The following CCDC39 variants were observed in gnomAD, a reference collection of about 807,000 sequenced individuals.
The protein encoded by CCDC39 is coiled-coil domain-containing protein 39.
CCDC39 carries 113 observed loss-of-function variants against 121.0 expected under a neutral mutation model. The ratio of observed to expected loss-of-function variants is 0.93; its 90% CI spans 0.80 to 1.09. The LOEUF (loss-of-function observed/expected upper bound fraction) is 1.09, where lower values mean the gene tolerates loss of function less well. Ranked by LOEUF, CCDC39 falls within the 50% of genes least tolerant of loss-of-function variation. The pLI is 0.00. For missense variants in CCDC39, 1,063 were observed against 1,074.7 expected, an observed-to-expected ratio of 0.99 and a Z score of 0.15; for synonymous variants, 349 against 352.2, an observed-to-expected ratio of 0.99 and a Z score of 0.10.
At position 180,620,977 on chromosome 3, in the gene CCDC39, C is replaced by T. The variant is rs141237841; in HGVS notation, c.1999-1007G>A. Among the ~76,000 whole-genome samples the T allele has an allele frequency of 5.9e-3, 900 of 152,132 alleles. 8 individuals carry two copies. Among genetic ancestry groups the T allele is most frequent in the Middle Eastern group, 0.01 (3 of 294 alleles). On this transcript the variant is annotated intron_variant, in intron 14 of 19. Coordinates refer to ENST00000476379, the MANE Select transcript of CCDC39 (RefSeq NM_181426.2). ...ACTCCACGCTCTACCTCCATGTGTA[C>T]GCGTTATTTAGCTCCCACATATAAG...
Position 180,644,261 on chromosome 3 carries a change from C to CA in CCDC39, c.1528-5dup. On this transcript the variant is annotated splice_polypyrimidine_tract_variant and splice_region_variant and intron_variant, in intron 11 of 19. Coordinates refer to ENST00000476379, the MANE Select transcript of CCDC39 (RefSeq NM_181426.2). ...TCTTGATAAAATAAAGATCATTCTG[C>CA]AAAAAAGAAAAAAGGTATATAAATG... 3.4e-6 allele frequency: 5 copies of CA among 1,480,602 alleles called. No individual in the cohort carries two copies. Among genetic ancestry groups the CA allele is most frequent in the South Asian group, 2.7e-5 (2 of 74,022 alleles). The allele number at this position is 1,480,602 out of a possible 1,614,324, so 91.7% of individuals were successfully genotyped here.
chr3:180,619,445 C>G (rs1717362350), intron 15 of CCDC39, 80 bp from the exon 16 acceptor site: 1 of 744,668 alleles, frequency 1.3e-6, no homozygotes. Flanking sequence ...TAAATTGCAC[C>G]AATATTTTTG....
chr3:180,614,731 A>G lies in CCDC39; in HGVS notation c.*190T>C. On this transcript the variant is annotated 3_prime_UTR_variant, in exon 20 of 20. Transcript: ENST00000476379. ...CATGTAGCCTTGTCAAGAATCTGCT[A>G]TTAATTTCTTCAGTATGAAGAAAAC... 1.9e-6 allele frequency: 1 copy of G among 513,356 alleles called. No homozygotes were observed. Among genetic ancestry groups the G allele is most frequent in the South Asian group, 2.9e-5 (1 of 34,028 alleles). 31.8% of individuals were successfully genotyped at this position (513,356 alleles called of 1,614,324 possible).
intron 14 of CCDC39, among the ~76,000 whole-genome samples, chr3:180,629,211 T>G: frequency 6.6e-6 from 1 of 152,236 alleles, no homozygotes; most frequent in East Asian, 1.9e-4. Context: ...ACAGATTTTA[T>G]ATTATAGACA....
At chr3:180,643,967 G>A (rs1718015617) in intron 12 of CCDC39, among the ~76,000 whole-genome samples, 153 bp downstream of exon 12, 1 of 152,074 alleles carries the variant, frequency 6.6e-6, no homozygotes, top group South Asian at 2.1e-4. Context: ...TTACAAGACT[G>A]GAGGGAAATT....
Position 180,654,758 on chromosome 3 carries a change from A to G in CCDC39, c.930+4T>C. On this transcript the variant is annotated splice_donor_region_variant and intron_variant, in intron 7 of 19. Transcript: ENST00000476379. ...ACAAGCCAGTCTTTTTTGAGTTGACATACCTCACCCTTCAGCTGAATTCTA... is the reference window on the plus strand; with the variant it reads ...ACAAGCCAGTCTTTTTTGAGTTGACGTACCTCACCCTTCAGCTGAATTCTA... 6.3e-7 allele frequency: 1 copy of G among 1,597,830 alleles called. No homozygotes were observed.
intron 1 of CCDC39, among the ~76,000 whole-genome samples, chr3:180,666,307 G>T (rs1324209424): frequency 6.6e-6 from 1 of 152,014 alleles, no homozygotes; most frequent in East Asian, 1.9e-4. Context: ...TTTTGTTTTG[G>T]TATAGTACAT....
chr3:180,651,820 G>A lies in CCDC39; in HGVS notation c.1035-287C>T, dbSNP rs186876792. ...TGGGAGGCCAAGGCGGGCAGATCAC[G>A]AGGTCAGGAGATCAAGACCATCCTG... On this transcript the variant is annotated intron_variant, in intron 8 of 19. Transcript: ENST00000476379. 9.6e-4 allele frequency among the ~76,000 whole-genome samples: 146 copies of A among 152,192 alleles called. 1 individual carries two copies. Among genetic ancestry groups the A allele is most frequent in the African/African-American group, 3.2e-3 (132 of 41,534 alleles).
At chr3:180,638,370 T>C (rs1717880005) in intron 13 of CCDC39, among the ~76,000 whole-genome samples, 1 of 152,140 alleles carries the variant, frequency 6.6e-6, no homozygotes, top group African/African-American at 2.4e-5. Flanking sequence ...GTATTAAACA[T>C]GCAAGGACTG....
intron 13 of CCDC39, among the ~76,000 whole-genome samples, chr3:180,635,521 G>T (rs1187560682): frequency 2.0e-5 from 3 of 152,204 alleles, no homozygotes; most frequent in Non-Finnish European, 2.9e-5. Context: ...TTGGGTAAAT[G>T]TTCCTGTTCC....
chr3:180,639,429 T>C (rs544075884), intron 13 of CCDC39, among the ~76,000 whole-genome samples: 3 of 152,230 alleles, frequency 2.0e-5, no homozygotes, highest in African/African-American at 7.2e-5. Flanking sequence ...ATATACACCA[T>C]GGAATACTAC....
chr3:180,670,628 CT>C (rs1261459011), intron 1 of CCDC39, among the ~76,000 whole-genome samples: 60 of 136,054 alleles, frequency 4.4e-4, no homozygotes, highest in South Asian at 1.4e-3. Context: ...ACCACAGTGC[CT>C]TTTTTTTCTC....
chr3:180,666,863 T>A (rs1273637455), intron 1 of CCDC39, among the ~76,000 whole-genome samples: 1 of 151,658 alleles, frequency 6.6e-6, no homozygotes, highest in Non-Finnish European at 1.5e-5. Context: ...ACTAAATACA[T>A]ACACATTACA....
In CCDC39 at chr3:180,659,665, C is replaced by T. The variant is rs1560092112; in HGVS notation, c.609+12G>A. On this transcript the variant is annotated intron_variant, in intron 5 of 19. Transcript: ENST00000476379. ...TTGAAAATTAAGAAATAAAAATCTTCCTTAAACTAACCTGTGCGCTTATAG... is the reference window on the plus strand; with the variant it reads ...TTGAAAATTAAGAAATAAAAATCTTTCTTAAACTAACCTGTGCGCTTATAG... 1 of 1,605,084 alleles carries T rather than the reference C, an allele frequency of 6.2e-7. No homozygotes were observed. The highest frequency in any genetic ancestry group is 8.5e-7 in the Non-Finnish European group (1 of 1,176,536).
rs564616317 is a variant in CCDC39, at chr3:180,666,743, C to T, written c.91-2757G>A. On this transcript the variant is annotated intron_variant, in intron 1 of 19. Coordinates refer to ENST00000476379, the MANE Select transcript of CCDC39 (RefSeq NM_181426.2). ...AGCTTCTTTCTTAAATATAAAGGGA[C>T]ATGTAACAATCACCAGATATTTATT... is the stretch of plus-strand genomic sequence containing the variant. 4.6e-4 allele frequency among the ~76,000 whole-genome samples: 70 copies of T among 152,230 alleles called. 1 individual carries two copies. Among genetic ancestry groups the T allele is most frequent in the African/African-American group, 1.6e-3 (68 of 41,542 alleles).
intron 1 of CCDC39, among the ~76,000 whole-genome samples, chr3:180,670,156 A>G (rs1416387415): frequency 6.6e-6 from 1 of 152,166 alleles, no homozygotes; most frequent in Non-Finnish European, 1.5e-5. Flanking sequence ...CAGACTTTCA[A>G]TATCCTTTTC....
chr3:180,662,512 C>T (rs1181262129), intron 2 of CCDC39, among the ~76,000 whole-genome samples: 2 of 152,008 alleles, frequency 1.3e-5, no homozygotes, highest in Non-Finnish European at 2.9e-5. Flanking sequence ...TATGTGTTAA[C>T]TAATTTTACA....
rs529624698 is a variant in CCDC39, at chr3:180,660,437, C to T, written c.516+133G>A. ...CAGAGAAGACATTTGGCTTTATTAG[C>T]TTCTCCAAGAAGCCTCTGACTCAGA... On this transcript the variant is annotated intron_variant, in intron 4 of 19. Coordinates refer to ENST00000476379, the MANE Select transcript of CCDC39 (RefSeq NM_181426.2). 57 of 704,924 alleles carry T rather than the reference C, an allele frequency of 8.1e-5. No homozygotes were observed. In the African/African-American group the frequency reaches 9.8e-4, roughly 12 times the overall value. The allele number at this position is 704,924 out of a possible 1,614,324, so 43.7% of individuals were successfully genotyped here.
intron 16 of CCDC39, chr3:180,617,647 C>T (rs891706431): frequency 2.5e-6 from 1 of 405,428 alleles, no homozygotes; most frequent in Non-Finnish European, 4.4e-6. Context: ...TAGAAAAATG[C>T]TTAGAGAATA....
Sources: gnomAD v4.1 joint callset for allele counts (sites outside exome capture counted in the v4.1 genomes callset) on GRCh38, gnomAD v4.1.1 for gene constraint, MANE v1.5 for transcripts, NCBI Gene and HGNC (gene_info 2026-07-23, HGNC 2026-07-21) for gene names.